ATXN10: variants seen among roughly 807,000 people sequenced by gnomAD.
ATXN10 encodes ataxin 10.
Under a neutral mutation model 52.9 loss-of-function variants are expected in ATXN10, and 28 were observed. The ratio of observed to expected loss-of-function variants is 0.53; its 90% CI spans 0.39 to 0.73. The LOEUF (loss-of-function observed/expected upper bound fraction) is 0.73, where lower values mean the gene tolerates loss of function less well. ATXN10 is among the 30% of genes least tolerant of loss of function. The probability of loss-of-function intolerance (pLI) is 0.00; values close to 1 mark genes in which losing one functional copy is unlikely to be tolerated. For missense variants in ATXN10, 565 were observed against 577.0 expected (o/e 0.98, Z 0.21); for synonymous variants, 226 against 221.5 (o/e 1.02, Z -0.18).
chr22:45,720,386 C>T (rs1041537969), intron 6 of ATXN10, among the ~76,000 whole-genome samples: 9 of 151,072 alleles, frequency 6.0e-5, no homozygotes, highest in African/African-American at 2.2e-4. Context: ...AGTGCAGTGG[C>T]TGCTCTCAAG....
intron 9 of ATXN10, chr22:45,793,632 T>C: frequency 7.3e-7 from 1 of 1,375,474 alleles, no homozygotes. Context: ...TCACAGTCTG[T>C]TCCACCAGCC....
At chr22:45,680,695 C>T (rs1162895484) in intron 1 of ATXN10, among the ~76,000 whole-genome samples, 1 of 151,682 alleles carries the variant, frequency 6.6e-6, no homozygotes, top group Non-Finnish European at 1.5e-5. Context: ...AACTCCTGGG[C>T]TCAAGTGATC....
rs558096032 is a variant in ATXN10, at chr22:45,828,767, A to C, written c.1238-14224A>C. Reference sequence around the variant, plus strand: ...GTTATAGTAAGACAATTAAATCAGCAATGAAAAATCTCACAAAGAAAAGCC... The same window carrying C: ...GTTATAGTAAGACAATTAAATCAGCCATGAAAAATCTCACAAAGAAAAGCC... On this transcript the variant is annotated intron_variant, in intron 10 of 11. Coordinates refer to ENST00000252934, the MANE Select transcript of ATXN10 (RefSeq NM_013236.4). The surrounding 1 kb of genome is among the most constrained non-coding windows in gnomAD (Gnocchi z 4.5). Among the ~76,000 whole-genome samples, 10 of 152,198 alleles carry C rather than the reference A, an allele frequency of 6.6e-5. No homozygotes were observed.
intron 1 of ATXN10, chr22:45,673,420 T>A (rs1210792437): frequency 6.6e-6 from 1 of 152,250 alleles, no homozygotes; most frequent in African/African-American, 2.4e-5. Context: ...TTGGGAAATG[T>A]GGAGCTGCTG....
chr22:45,741,662 T>C (rs1286236049), intron 9 of ATXN10, among the ~76,000 whole-genome samples: 1 of 151,676 alleles, frequency 6.6e-6, no homozygotes. Flanking sequence ...TTATGACCCA[T>C]AGTATTATGA....
In ATXN10 at chr22:45,844,871, A is replaced by G. The variant is rs1929460294; in HGVS notation, c.*1200A>G. The G allele has an allele frequency of 6.6e-6, 1 of 152,276 alleles. No homozygotes were observed. The highest frequency in any genetic ancestry group is 2.4e-5 in the African/African-American group (1 of 41,480). 9.4% of individuals were successfully genotyped at this position (152,276 alleles called of 1,614,324 possible). On this transcript the variant is annotated 3_prime_UTR_variant, in exon 12 of 12. Coordinates refer to ENST00000252934, the MANE Select transcript of ATXN10 (RefSeq NM_013236.4). ...TAAAGTGCTTCTAAGCTTTGTGTAG[A>G]CATAGTTTAACTGATTTGTAAAAAT... is the stretch of plus-strand genomic sequence containing the variant.
chr22:45,777,606 A>G (rs1789670761), intron 9 of ATXN10, among the ~76,000 whole-genome samples: 1 of 152,234 alleles, frequency 6.6e-6, no homozygotes, highest in Non-Finnish European at 1.5e-5. Flanking sequence ...GAAATGGCCA[A>G]TCCTGTGCCC....
rs1182693478 is a variant in ATXN10 at position 45,840,893 on chromosome 22, C to T, written c.1238-2098C>T. Among the ~76,000 whole-genome samples the T allele has an allele frequency of 6.6e-6, 1 of 152,224 alleles. No individual in the cohort carries two copies. Among genetic ancestry groups the T allele is most frequent in the Non-Finnish European group, 1.5e-5 (1 of 68,036 alleles). On this transcript the variant is annotated intron_variant, in intron 10 of 11. Transcript: ENST00000252934. The surrounding 1 kb of genome is among the most constrained non-coding windows in gnomAD (Gnocchi z 5.8). The stretch of plus-strand genomic sequence containing the variant: ...CATGAACAAAAATTCCCCAGTCTTA[C>T]ATTTCTTGCTCCTTGAGTCAGTTCT...
In ATXN10 at chr22:45,795,423, C is replaced by CTATTCTATTA. The variant is rs1407609912; in HGVS notation, c.1174-11535_1174-11534insATTCTATTAT. Reference sequence around the variant, plus strand: ...CTATTCTATTCTATTCTATTCTATTCTTTTTGAGATGAAGTCTCTCTATGT... The same window carrying CTATTCTATTA: ...CTATTCTATTCTATTCTATTCTATTCTATTCTATTATTTTTGAGATGAAGTCTCTCTATGT... On this transcript the variant is annotated intron_variant, in intron 9 of 11. Coordinates refer to ENST00000252934, the MANE Select transcript of ATXN10 (RefSeq NM_013236.4). This position sits in a 1 kb window ranked among gnomAD's most constrained non-coding sequence, Gnocchi z 4.6. 4.7e-4 allele frequency among the ~76,000 whole-genome samples: 59 copies of CTATTCTATTA among 126,282 alleles called. 1 individual carries two copies. Among genetic ancestry groups the CTATTCTATTA allele is most frequent in the African/African-American group, 1.7e-3 (52 of 30,666 alleles). The allele number at this position is 126,282 out of a possible 152,430, so 82.8% of individuals were successfully genotyped here. A position where few individuals can be genotyped will look rare whatever the true frequency, so the allele number is the denominator to read the frequency against.
At chr22:45,679,302 A>G (rs1922823910) in intron 1 of ATXN10, 2 of 152,220 alleles carry the variant, frequency 1.3e-5, no homozygotes, top group South Asian at 2.1e-4. Flanking sequence ...TTCTTGAGCC[A>G]TGAGAGAGAA....
chr22:45,789,968 A>C lies in ATXN10; in HGVS notation c.1174-16991A>C, dbSNP rs1344124961. 6.6e-6 allele frequency among the ~76,000 whole-genome samples: 1 copy of C among 152,202 alleles called. No individual in the cohort carries two copies. The highest frequency in any genetic ancestry group is 2.4e-5 in the African/African-American group (1 of 41,432). Reference sequence around the variant, plus strand: ...ATTCCATATTAAGATACTCCAATGAAAGGCCTACATTCATTGTAATAATAG... The same window carrying C: ...ATTCCATATTAAGATACTCCAATGACAGGCCTACATTCATTGTAATAATAG... On this transcript the variant is annotated intron_variant, in intron 9 of 11. Transcript: ENST00000252934. The surrounding 1 kb of genome is among the most constrained non-coding windows in gnomAD (Gnocchi z 4.0).
At chr22:45,749,004 T>A (rs1353486931) in intron 9 of ATXN10, among the ~76,000 whole-genome samples, 1 of 152,212 alleles carries the variant, frequency 6.6e-6, no homozygotes, top group Non-Finnish European at 1.5e-5. Context: ...TGACTTATTC[T>A]CTTCCAGGAA....
intron 9 of ATXN10, among the ~76,000 whole-genome samples, chr22:45,742,530 TA>T (rs58501128): frequency 0.44 from 61,368 of 139,810 alleles, 13,859 homozygotes; most frequent in African/African-American, 0.65. Flanking sequence ...GTATCTAAAA[TA>T]AAAAAAAAAA....
intron 7 of ATXN10, among the ~76,000 whole-genome samples, chr22:45,737,477 G>C (rs1243076258): frequency 2.6e-5 from 4 of 152,110 alleles, no homozygotes. Context: ...TTCTAATCTA[G>C]ATTTTCCCAC....
intron 10 of ATXN10, among the ~76,000 whole-genome samples, chr22:45,807,458 G>A (rs1200277104): frequency 6.6e-6 from 1 of 152,212 alleles, no homozygotes; most frequent in Admixed American, 6.5e-5. Context: ...GTAGAAACAT[G>A]AGGAGCACTC....
rs1926799453 is a variant in ATXN10, at chr22:45,772,117, A to T, written c.1173+31579A>T. Among the ~76,000 whole-genome samples the T allele has an allele frequency of 6.6e-6, 1 of 152,178 alleles. No individual in the cohort carries two copies. Among genetic ancestry groups the T allele is most frequent in the Non-Finnish European group, 1.5e-5 (1 of 68,028 alleles). On this transcript the variant is annotated intron_variant, in intron 9 of 11. Transcript: ENST00000252934. This position sits in a 1 kb window ranked among gnomAD's most constrained non-coding sequence, Gnocchi z 4.1. ...TCAATTTTTTTCTTTTATGAATCAT[A>T]CTTTTTGTGTCATTTCAAGAACTCT...
chr22:45,698,242 A>G (rs1215215289), intron 3 of ATXN10, among the ~76,000 whole-genome samples: 4 of 152,154 alleles, frequency 2.6e-5, no homozygotes, highest in Non-Finnish European at 5.9e-5. Context: ...CAGCTGAATC[A>G]TATGACTTTT....
chr22:45,830,834 A>G (rs1295178264), intron 10 of ATXN10, among the ~76,000 whole-genome samples: 2 of 152,200 alleles, frequency 1.3e-5, no homozygotes, highest in South Asian at 4.1e-4. Context: ...GAATTACTAT[A>G]TATATGATTT....
At chr22:45,730,340 G>C (rs1039429610) in intron 7 of ATXN10, among the ~76,000 whole-genome samples, 1 of 115,730 alleles carries the variant, frequency 8.6e-6, no homozygotes, top group African/African-American at 3.7e-5. Flanking sequence ...TGAGACCCTT[G>C]TCTCAAAAAA....
Sources: gnomAD v4.1 joint callset for allele counts (sites outside exome capture counted in the v4.1 genomes callset) on GRCh38, gnomAD v4.1.1 for gene constraint, Gnocchi (gnomAD v3.1) non-coding constraint, MANE v1.5 for transcripts, NCBI Gene and HGNC (gene_info 2026-07-23, HGNC 2026-07-21) for gene names.